ATP8A1: variants seen among roughly 807,000 people sequenced by gnomAD.
ATP8A1 encodes ATPase phospholipid transporting 8A1.
In ATP8A1, 90 loss-of-function variants were observed where a neutral mutation model predicts 177.7. That is an observed-to-expected ratio of 0.51 (90% CI 0.43 to 0.60). The LOEUF is 0.60. ATP8A1 is among the 20% of genes least tolerant of loss of function. The pLI is 0.00. For synonymous variants in ATP8A1, 493 were observed against 485.9 expected, an observed-to-expected ratio of 1.01 and a Z score of -0.19; for missense variants, 1,072 against 1,392.8, an observed-to-expected ratio of 0.77 and a Z score of 3.67.
Position 42,412,654 on chromosome 4 carries a change from G to T in ATP8A1, c.*262C>A, listed in dbSNP as rs1712747006. 3.0e-6 allele frequency: 1 copy of T among 337,456 alleles called. No homozygotes were observed. 20.9% of individuals were successfully genotyped at this position (337,456 alleles called of 1,614,324 possible). ...TATTCTCCGTTTAAGAAAGCCCTCT[G>T]GCAAGATACCAGGTCATTTTCAATT... is the stretch of plus-strand genomic sequence containing the variant. On this transcript the variant is annotated 3_prime_UTR_variant, in exon 37 of 37. Transcript: ENST00000381668.
chr4:42,620,529 T>C (rs1737362256), intron 4 of ATP8A1, among the ~76,000 whole-genome samples: 1 of 152,210 alleles, frequency 6.6e-6, no homozygotes, highest in African/African-American at 2.4e-5. Flanking sequence ...AGAGAGATTA[T>C]AGCTTTGCCA....
At chr4:42,608,115 T>C (rs941184548) in intron 5 of ATP8A1, among the ~76,000 whole-genome samples, 8 of 152,318 alleles carry the variant, frequency 5.3e-5, no homozygotes, top group Non-Finnish European at 1.2e-4. Context: ...TTTGTTGTAA[T>C]AGGTTTCTTT....
rs918169422 is a variant in ATP8A1 at position 42,460,393 on chromosome 4, T to C, written c.2619+4297A>G. 1.2e-3 allele frequency among the ~76,000 whole-genome samples: 171 copies of C among 147,860 alleles called. 2 individuals carry two copies. The highest frequency in any genetic ancestry group is 4.1e-3 in the African/African-American group (163 of 40,130). ...AATGGATGGATCTTTTTTTTTTTTT[T>C]TTTTTTTTTTCTGAGATGGAGTCTT... On this transcript the variant is annotated intron_variant, in intron 27 of 36. Coordinates refer to ENST00000381668, the MANE Select transcript of ATP8A1 (RefSeq NM_006095.2).
chr4:42,634,196 A>G (rs1256671682), intron 1 of ATP8A1, among the ~76,000 whole-genome samples: 1 of 152,232 alleles, frequency 6.6e-6, no homozygotes, highest in East Asian at 1.9e-4. Flanking sequence ...CTGGAGGCAG[A>G]GCTGGCATGA....
At chr4:42,523,323 A>T (rs1726335968) in intron 21 of ATP8A1, among the ~76,000 whole-genome samples, 1 of 152,200 alleles carries the variant, frequency 6.6e-6, no homozygotes, top group African/African-American at 2.4e-5. Context: ...TCACAAGAAG[A>T]CAACGCCCTC....
chr4:42,434,719 C>T (rs549346070), intron 33 of ATP8A1, among the ~76,000 whole-genome samples: 68 of 152,274 alleles, frequency 4.5e-4, no homozygotes, highest in African/African-American at 1.5e-3. Flanking sequence ...TAAGTAGAAA[C>T]GTATTGGTAA....
At chr4:42,535,888 A>T (rs1032679028) in intron 20 of ATP8A1, among the ~76,000 whole-genome samples, 3 of 152,228 alleles carry the variant, frequency 2.0e-5, no homozygotes, top group African/African-American at 7.2e-5. Context: ...TGAAATCAAG[A>T]TGGAAATTAA....
At chr4:42,518,478 G>T (rs964595110) in intron 22 of ATP8A1, among the ~76,000 whole-genome samples, 1 of 152,118 alleles carries the variant, frequency 6.6e-6, no homozygotes, top group Non-Finnish European at 1.5e-5. Context: ...GAGCACCCAC[G>T]AGGGCAAGGT....
At chr4:42,584,688 C>T (rs183240602) in intron 9 of ATP8A1, among the ~76,000 whole-genome samples, 13 of 152,278 alleles carry the variant, frequency 8.5e-5, no homozygotes, top group Admixed American at 3.9e-4. Context: ...TCTGTCTATA[C>T]CCTTTCATTC....
chr4:42,645,974 G>C (rs529052323), intron 1 of ATP8A1, among the ~76,000 whole-genome samples: 128 of 152,074 alleles, frequency 8.4e-4, no homozygotes, highest in Non-Finnish European at 1.5e-3. Context: ...GAAGGGAACT[G>C]GAAAGGGCCA....
intron 1 of ATP8A1, chr4:42,637,076 G>A: frequency 3.9e-6 from 2 of 511,518 alleles, no homozygotes; most frequent in Non-Finnish European, 3.9e-6. Flanking sequence ...TCTAATGTAG[G>A]TGGGCAGTGA....
rs777847439 is a variant in ATP8A1, at chr4:42,461,244, C to CTTTTTTTTTT, written c.2619+3445_2619+3446insAAAAAAAAAA. 2.6e-4 allele frequency among the ~76,000 whole-genome samples: 22 copies of CTTTTTTTTTT among 84,528 alleles called. 1 individual carries two copies. The highest frequency in any genetic ancestry group is 3.9e-4 in the Non-Finnish European group (17 of 43,110). The allele number at this position is 84,528 out of a possible 152,430, so 55.5% of individuals were successfully genotyped here. The stretch of plus-strand genomic sequence containing the variant: ...TAAAATATACTGAGATCAATTTTTT[C>CTTTTTTTTTT]TTTCTTTTTTTTTTTTTTGCTTTTT... On this transcript the variant is annotated intron_variant, in intron 27 of 36. Coordinates refer to ENST00000381668, the MANE Select transcript of ATP8A1 (RefSeq NM_006095.2).
chr4:42,579,052 GAT>G (rs1339941896), intron 11 of ATP8A1, among the ~76,000 whole-genome samples: 1 of 151,936 alleles, frequency 6.6e-6, no homozygotes, highest in African/African-American at 2.4e-5. Context: ...TTTGCTATGT[GAT>G]TGTACTAGAA....
At chr4:42,615,819 A>C (rs1736848636) in intron 5 of ATP8A1, among the ~76,000 whole-genome samples, 1 of 152,258 alleles carries the variant, frequency 6.6e-6, no homozygotes, top group African/African-American at 2.4e-5. Flanking sequence ...AAATATATTT[A>C]AAATGTTGGC....
At chr4:42,647,083 T>G (rs1474745506) in intron 1 of ATP8A1, among the ~76,000 whole-genome samples, 8 of 142,258 alleles carry the variant, frequency 5.6e-5, no homozygotes, top group Non-Finnish European at 1.2e-4. Context: ...GATGCCACAA[T>G]GTACTTACAT....
chr4:42,417,176 T>C (rs1039016026), intron 35 of ATP8A1, among the ~76,000 whole-genome samples: 1 of 152,178 alleles, frequency 6.6e-6, no homozygotes, highest in Non-Finnish European at 1.5e-5. Flanking sequence ...TCTTACACCT[T>C]TGGGGAACTA....
chr4:42,546,785 C>T (rs1413354840), intron 19 of ATP8A1, among the ~76,000 whole-genome samples: 3 of 152,136 alleles, frequency 2.0e-5, no homozygotes, highest in African/African-American at 7.2e-5. Context: ...CTTACCTAAC[C>T]TTGCAGCAGT....
chr4:42,461,716 G>T (rs1015077735), intron 27 of ATP8A1, among the ~76,000 whole-genome samples: 5 of 152,226 alleles, frequency 3.3e-5, no homozygotes, highest in African/African-American at 1.2e-4. Context: ...AAACATGGAG[G>T]TGACTTTGGA....
At chr4:42,620,768 A>G (rs2109469465) in intron 4 of ATP8A1, among the ~76,000 whole-genome samples, 1 of 152,358 alleles carries the variant, frequency 6.6e-6, no homozygotes, top group Admixed American at 6.5e-5. Context: ...TAGAGTAAGT[A>G]CAACCTAGAA....
Sources: gnomAD v4.1 joint callset for allele counts (sites outside exome capture counted in the v4.1 genomes callset) on GRCh38, gnomAD v4.1.1 for gene constraint, MANE v1.5 for transcripts, NCBI Gene and HGNC (gene_info 2026-07-23, HGNC 2026-07-21) for gene names.